Variants in SH3GL2 observed in about 807,000 individuals in gnomAD.
The protein encoded by SH3GL2 is SH3 domain containing GRB2 like 2, endophilin A1, also known as endophilin-A1.
In SH3GL2, 24 loss-of-function variants were observed where a neutral mutation model predicts 46.0. The observed-to-expected ratio is 0.52, with a 90% confidence interval of 0.38 to 0.73. The LOEUF (loss-of-function observed/expected upper bound fraction) is 0.73, where lower values mean the gene tolerates loss of function less well. SH3GL2 is among the 30% of genes least tolerant of loss of function. The pLI is 0.00. For synonymous variants in SH3GL2, 196 were observed against 147.1 expected (o/e 1.33, Z -2.40); for missense variants, 413 against 424.2 (o/e 0.97, Z 0.23).
chr9:17,754,998 C>T (rs1822947426), intron 2 of SH3GL2, among the ~76,000 whole-genome samples: 1 of 152,108 alleles, frequency 6.6e-6, no homozygotes, highest in African/African-American at 2.4e-5. Context: ...GCCTAATTGG[C>T]CTGGTCAGGA....
chr9:17,760,303 G>C (rs1283280724), intron 2 of SH3GL2, among the ~76,000 whole-genome samples: 1 of 152,046 alleles, frequency 6.6e-6, no homozygotes, highest in Non-Finnish European at 1.5e-5. Flanking sequence ...ACAGTAATAT[G>C]ACTGCCATGG....
chr9:17,736,176 TTGTG>T (rs1822328497), intron 1 of SH3GL2, among the ~76,000 whole-genome samples: 1 of 151,992 alleles, frequency 6.6e-6, no homozygotes, highest in Non-Finnish European at 1.5e-5. Flanking sequence ...TGAAATGTGT[TTGTG>T]TGTTTATATG....
chr9:17,675,978 C>A (rs755135400), intron 1 of SH3GL2, among the ~76,000 whole-genome samples: 2 of 151,972 alleles, frequency 1.3e-5, no homozygotes, highest in Non-Finnish European at 2.9e-5. Context: ...ATGCTAATGC[C>A]TTTCTTGCAT....
intron 3 of SH3GL2, among the ~76,000 whole-genome samples, chr9:17,779,292 G>T (rs533897612): frequency 6.6e-6 from 1 of 152,242 alleles, no homozygotes; most frequent in South Asian, 2.1e-4. Flanking sequence ...ACTAGTAAAA[G>T]CCTTTAGACA....
intron 1 of SH3GL2, among the ~76,000 whole-genome samples, chr9:17,595,916 G>T (rs1268146054): frequency 6.6e-6 from 1 of 152,122 alleles, no homozygotes; most frequent in Non-Finnish European, 1.5e-5. Flanking sequence ...TTTGAACAGT[G>T]ATTATTCCTG....
rs141939684 is a variant in SH3GL2, at chr9:17,588,726, A to G, written c.45+9439A>G. On this transcript the variant is annotated intron_variant, in intron 1 of 8. Coordinates refer to ENST00000380607, the MANE Select transcript of SH3GL2 (RefSeq NM_003026.5). Reference sequence around the variant, plus strand: ...TCATTTTGGCCTTGTGAGGCCCTCAACAGGGAGCTCACTTAAGCAGGCCCA... The same window carrying G: ...TCATTTTGGCCTTGTGAGGCCCTCAGCAGGGAGCTCACTTAAGCAGGCCCA... Among the ~76,000 whole-genome samples the G allele has an allele frequency of 5.8e-4, 89 of 152,344 alleles. 1 individual carries two copies. Among genetic ancestry groups the G allele is most frequent in the African/African-American group, 2.1e-3 (89 of 41,594 alleles).
chr9:17,795,101 C>T (rs1563858138), intron 8 of SH3GL2, among the ~76,000 whole-genome samples: 1 of 152,164 alleles, frequency 6.6e-6, no homozygotes, highest in Admixed American at 6.5e-5. Flanking sequence ...TGTAATTCAC[C>T]ATACTTTTTC....
At chr9:17,691,556 T>C (rs1454215096) in intron 1 of SH3GL2, among the ~76,000 whole-genome samples, 1 of 152,156 alleles carries the variant, frequency 6.6e-6, no homozygotes, top group African/African-American at 2.4e-5. Flanking sequence ...GATTTGCGTA[T>C]GACTCCCACA....
intron 1 of SH3GL2, among the ~76,000 whole-genome samples, chr9:17,622,940 G>C (rs7033680): frequency 0.17 from 24,903 of 147,546 alleles, 2,185 homozygotes; most frequent in Middle Eastern, 0.24. Context: ...CTCCTTCCTT[G>C]CTTCTTCCTT....
At chr9:17,642,953 C>T (rs375012815) in intron 1 of SH3GL2, among the ~76,000 whole-genome samples, 2 of 152,170 alleles carry the variant, frequency 1.3e-5, no homozygotes, top group East Asian at 3.9e-4. Context: ...ATGGAAATAG[C>T]ATTGAATCTA....
chr9:17,612,167 C>T (rs553680319), intron 1 of SH3GL2, among the ~76,000 whole-genome samples: 4 of 152,100 alleles, frequency 2.6e-5, no homozygotes, highest in East Asian at 3.9e-4. Flanking sequence ...TGTCTGTCCT[C>T]TCTCTCTAGT....
intron 1 of SH3GL2, among the ~76,000 whole-genome samples, chr9:17,707,124 G>A (rs147227205): frequency 6.6e-6 from 1 of 152,062 alleles, no homozygotes; most frequent in African/African-American, 2.4e-5. Context: ...TTTTAATCAG[G>A]CAAATTTCTG....
chr9:17,618,628 G>C (rs1270801121), intron 1 of SH3GL2, among the ~76,000 whole-genome samples: 1 of 152,168 alleles, frequency 6.6e-6, no homozygotes, highest in Non-Finnish European at 1.5e-5. Context: ...TGACTGTAGG[G>C]TGCTGGCCTA....
At chr9:17,786,569 G>C in intron 4 of SH3GL2, 45 bp downstream of exon 4, 1 of 1,592,974 alleles carries the variant, frequency 6.3e-7, no homozygotes, top group Non-Finnish European at 8.6e-7. Flanking sequence ...TTTGTCCATG[G>C]GGATTTTGGT....
intron 1 of SH3GL2, among the ~76,000 whole-genome samples, chr9:17,653,146 T>G (rs901575570): frequency 6.6e-6 from 1 of 152,184 alleles, no homozygotes; most frequent in African/African-American, 2.4e-5. Flanking sequence ...ATTTATATTT[T>G]CATCATGATT....
chr9:17,771,159 T>G (rs9407851), intron 3 of SH3GL2, among the ~76,000 whole-genome samples: 15,551 of 152,236 alleles, frequency 0.1, 882 homozygotes, highest in Non-Finnish European at 0.11. Flanking sequence ...CTATTTGCCC[T>G]GTGGCTTTAG....
chr9:17,759,639 A>G (rs1335717388), intron 2 of SH3GL2, among the ~76,000 whole-genome samples: 1 of 152,134 alleles, frequency 6.6e-6, no homozygotes, highest in Non-Finnish European at 1.5e-5. Flanking sequence ...AGTTTCTGAC[A>G]AACAGAAGAC....
chr9:17,676,713 A>G (rs1235256982), intron 1 of SH3GL2, among the ~76,000 whole-genome samples: 1 of 152,168 alleles, frequency 6.6e-6, no homozygotes, highest in East Asian at 1.9e-4. Context: ...GCCTCAATAT[A>G]GTTTTCACAA....
At chr9:17,702,558 T>A (rs1028103869) in intron 1 of SH3GL2, among the ~76,000 whole-genome samples, 20 of 152,102 alleles carry the variant, frequency 1.3e-4, no homozygotes, top group Admixed American at 7.9e-4. Flanking sequence ...CATTTCAAAC[T>A]CATGACTGAA....
Sources: allele counts gnomAD v4.1 joint callset (sites outside exome capture counted in the v4.1 genomes callset), GRCh38; gene constraint gnomAD v4.1.1; transcripts MANE v1.5; gene names NCBI Gene and HGNC (gene_info 2026-07-23, HGNC 2026-07-21).